Variants in FAM200C observed in about 807,000 individuals in gnomAD.
At chr5:160,396,050 T>C in the FAM200C span, among the ~76,000 whole-genome samples, 15 of 152,320 alleles carry the variant, frequency 9.8e-5, no homozygotes, top group African/African-American at 3.4e-4. Context: ...GTTATATGCA[T>C]AGACCACATA....
the FAM200C span, chr5:160,393,462 G>A: frequency 4.3e-6 from 2 of 462,248 alleles, no homozygotes; most frequent in Admixed American, 4.0e-5. Context: ...TATACCACAC[G>A]AACAGGTTAA....
the FAM200C span, chr5:160,395,458 A>G: frequency 1.2e-6 from 2 of 1,614,154 alleles, no homozygotes; most frequent in Non-Finnish European, 1.7e-6. Flanking sequence ...AGTAGCGAAC[A>G]TAGTCATCAT....
the FAM200C span, among the ~76,000 whole-genome samples, chr5:160,397,133 T>C: frequency 2.0e-5 from 3 of 152,178 alleles, no homozygotes; most frequent in Non-Finnish European, 4.4e-5. Context: ...CTAATACATA[T>C]CTTCTCCAGA....
the FAM200C span, chr5:160,399,514 T>C: frequency 1.3e-5 from 2 of 152,158 alleles, no homozygotes; most frequent in African/African-American, 4.8e-5. Context: ...GCCAGGAGAA[T>C]GGGGGCAGGA....
chr5:160,395,081 T>C, the FAM200C span: 2 of 1,614,126 alleles, frequency 1.2e-6, no homozygotes, highest in Non-Finnish European at 1.7e-6. Context: ...GGGTACCTGC[T>C]GAAGCTTTTT....
At chr5:160,395,373 C>T in the FAM200C span, 1 of 1,613,864 alleles carries the variant, frequency 6.2e-7, no homozygotes, top group Non-Finnish European at 8.5e-7. Flanking sequence ...CTGAGGTCAG[C>T]ATTTGAAAAT....
At chr5:160,395,168 G>C in the FAM200C span, 4 of 1,613,812 alleles carry the variant, frequency 2.5e-6, no homozygotes, top group Non-Finnish European at 3.4e-6. Context: ...TACTGTATGA[G>C]GATTCTTCTC....
At chr5:160,397,108 T>C in the FAM200C span, among the ~76,000 whole-genome samples, 1 of 152,222 alleles carries the variant, frequency 6.6e-6, no homozygotes, top group African/African-American at 2.4e-5. Context: ...TACACGTCCC[T>C]GCACTACCTT....
chr5:160,395,551 A>C, the FAM200C span: 1 of 1,367,880 alleles, frequency 7.3e-7, no homozygotes, highest in Non-Finnish European at 1.0e-6. Context: ...TTTGGGAGTA[A>C]AATATAACCC....
At chr5:160,395,180 T>C in the FAM200C span, 2 of 1,613,896 alleles carry the variant, frequency 1.2e-6, no homozygotes, top group East Asian at 4.5e-5. Context: ...ATTCTTCTCC[T>C]TGGCACATAA....
At chr5:160,395,340 AATGGTCTG>A in the FAM200C span, 1 of 1,614,172 alleles carries the variant, frequency 6.2e-7, no homozygotes, top group Non-Finnish European at 8.5e-7. Context: ...TGTCTGTTAA[AATGGTCTG>A]ACAGTTTTGA....
the FAM200C span, chr5:160,395,164 A>G: frequency 6.2e-7 from 1 of 1,613,924 alleles, no homozygotes; most frequent in Non-Finnish European, 8.5e-7. Flanking sequence ...CAGCTACTGT[A>G]TGAGGATTCT....
At chr5:160,394,364 TA>T in the FAM200C span, 3 of 1,613,914 alleles carry the variant, frequency 1.9e-6, no homozygotes, top group African/African-American at 4.0e-5. Flanking sequence ...ATCTGCAAGG[TA>T]TGCTAGGTGA....
the FAM200C span, chr5:160,399,993 G>C: frequency 1.3e-5 from 2 of 152,308 alleles, no homozygotes; most frequent in Non-Finnish European, 2.9e-5. Context: ...GGTGCGCCTG[G>C]AGAGAGAAGC....
chr5:160,395,122 T>G, the FAM200C span: 17 of 1,613,976 alleles, frequency 1.1e-5, no homozygotes, highest in South Asian at 1.6e-4. Flanking sequence ...CTATTTGTGC[T>G]ATTTCCAGTG....
At chr5:160,399,169 C>A in the FAM200C span, among the ~76,000 whole-genome samples, 390 of 152,252 alleles carry the variant, frequency 2.6e-3, no homozygotes, top group African/African-American at 9.0e-3. Context: ...TCATTTTAAG[C>A]ATGATTCTTT....
chr5:160,397,233 A>G, the FAM200C span, among the ~76,000 whole-genome samples: 1 of 152,336 alleles, frequency 6.6e-6, no homozygotes, highest in East Asian at 1.9e-4. Flanking sequence ...ATAAAAACGT[A>G]TCCTTCAAAC....
At chr5:160,399,064 G>A in the FAM200C span, among the ~76,000 whole-genome samples, 1 of 152,182 alleles carries the variant, frequency 6.6e-6, no homozygotes, top group Non-Finnish European at 1.5e-5. Context: ...GAAGCTGGAT[G>A]ATGGGTATAC....
At chr5:160,394,001 T>C in the FAM200C span, 1 of 1,613,460 alleles carries the variant, frequency 6.2e-7, no homozygotes, top group Admixed American at 1.7e-5. Context: ...AGCTCGTAAT[T>C]CAGCAAGATC....
Sources: gnomAD v4.1 joint callset for allele counts (sites outside exome capture counted in the v4.1 genomes callset) on GRCh38, gnomAD v4.1.1 for gene constraint, MANE v1.5 for transcripts.